The following ARSG variants were observed in gnomAD, a reference collection of about 807,000 sequenced individuals.
ARSG encodes the protein ASG.
A neutral mutation model predicts 50.5 loss-of-function variants in ARSG; 37 were observed. That is an observed-to-expected ratio of 0.73 (90% CI 0.56 to 0.96). The LOEUF is 0.96. ARSG is among the 50% of genes least tolerant of loss of function. The probability of loss-of-function intolerance (pLI) is 0.00; values close to 1 mark genes in which losing one functional copy is unlikely to be tolerated. For synonymous variants in ARSG, 225 were observed against 254.6 expected (o/e 0.88, Z 1.11); for missense variants, 629 against 675.3 (o/e 0.93, Z 0.76).
chr17:68,372,045 ATTGT>A (rs1157295574), intron 8 of ARSG, among the ~76,000 whole-genome samples: 2 of 152,250 alleles, frequency 1.3e-5, no homozygotes, highest in Non-Finnish European at 2.9e-5. Flanking sequence ...ATAAACTGGT[ATTGT>A]TTGTTTCATA....
At chr17:68,415,913 T>C (rs932846249) in intron 11 of ARSG, among the ~76,000 whole-genome samples, 1 of 152,220 alleles carries the variant, frequency 6.6e-6, no homozygotes, top group Non-Finnish European at 1.5e-5. Context: ...AGTCCTTATA[T>C]GTTAGATGAG....
At chr17:68,289,807 C>T (rs1336903013), upstream of ARSG, among the ~76,000 whole-genome samples, 3 of 152,286 alleles carry the variant, frequency 2.0e-5, no homozygotes, top group African/African-American at 7.2e-5. Context: ...TCGGAAACCA[C>T]AGAAGGAAAA....
chr17:68,350,865 A>T (rs1432178615), intron 4 of ARSG, among the ~76,000 whole-genome samples: 2 of 152,038 alleles, frequency 1.3e-5, no homozygotes, highest in Non-Finnish European at 2.9e-5. Context: ...GGAAGGAGGA[A>T]CTCAGAAGAA....
the ARSG span, chr17:68,450,850 G>T: frequency 6.2e-7 from 1 of 1,614,092 alleles, no homozygotes; most frequent in Non-Finnish European, 8.5e-7. Flanking sequence ...ACCACCACCA[G>T]GCTGCTGGAG....
intron 1 of ARSG, among the ~76,000 whole-genome samples, chr17:68,272,282 T>C (rs2075367631): frequency 6.6e-6 from 1 of 152,204 alleles, no homozygotes; most frequent in Non-Finnish European, 1.5e-5. Flanking sequence ...AAGAATGCTG[T>C]GTTTATTAGC....
At position 68,396,313 on chromosome 17, in the gene ARSG, G is replaced by A. The variant is rs575793610; in HGVS notation, c.1212+1120G>A. On this transcript the variant is annotated intron_variant, in intron 10 of 11. Transcript: ENST00000621439. ...ATTACAGGTGTGAGCCACTGTATCC[G>A]ACCTGCAGCCTGTTCTTGACCAAGC... Among the ~76,000 whole-genome samples the A allele has an allele frequency of 6.2e-4, 95 of 152,196 alleles. 1 individual carries two copies. Among genetic ancestry groups the A allele is most frequent in the Non-Finnish European group, 5.0e-4 (34 of 68,024 alleles).
At chr17:68,270,620 A>T (rs2075308238) in intron 1 of ARSG, among the ~76,000 whole-genome samples, 4 of 151,438 alleles carry the variant, frequency 2.6e-5, no homozygotes, top group Admixed American at 2.6e-4. Context: ...TGAATCGACC[A>T]CTAATTTACC....
intron 11 of ARSG, among the ~76,000 whole-genome samples, chr17:68,412,359 T>G (rs988318063): frequency 5.3e-5 from 8 of 152,106 alleles, no homozygotes; most frequent in African/African-American, 1.7e-4. Flanking sequence ...GTAAAGTATT[T>G]TATTTCTCCT....
the ARSG span, chr17:68,450,700 T>C: frequency 6.3e-7 from 1 of 1,585,232 alleles, no homozygotes; most frequent in Non-Finnish European, 8.6e-7. Flanking sequence ...GCAGAAGCTT[T>C]GAAACCCTGA....
chr17:68,363,698 C>T (rs1290934820), intron 6 of ARSG, among the ~76,000 whole-genome samples: 1 of 152,012 alleles, frequency 6.6e-6, no homozygotes, highest in Non-Finnish European at 1.5e-5. Flanking sequence ...AACTCCTGAC[C>T]TTAGGTGATC....
intron 2 of ARSG, among the ~76,000 whole-genome samples, chr17:68,337,259 G>C (rs2078065000): frequency 6.6e-6 from 1 of 152,146 alleles, no homozygotes; most frequent in Admixed American, 6.5e-5. Context: ...GAGCGAAGGT[G>C]GTCCCCACAT....
At chr17:68,305,362 A>G (rs1300744148) in intron 1 of ARSG, among the ~76,000 whole-genome samples, 1 of 152,166 alleles carries the variant, frequency 6.6e-6, no homozygotes, top group Non-Finnish European at 1.5e-5. Flanking sequence ...CACTAGCCTC[A>G]TGATGTTTTT....
intron 1 of ARSG, among the ~76,000 whole-genome samples, chr17:68,276,119 A>C (rs1329458510): frequency 1.3e-5 from 2 of 151,928 alleles, no homozygotes; most frequent in African/African-American, 2.4e-5. Context: ...TTTGAGACAG[A>C]GTCTTGCTCT....
rs2147203239 is a variant in ARSG, at chr17:68,399,269, C to T, written c.1213-2091C>T. 6.6e-6 allele frequency among the ~76,000 whole-genome samples: 1 copy of T among 152,286 alleles called. No homozygotes were observed. The highest frequency in any genetic ancestry group is 2.1e-4 in the South Asian group (1 of 4,820). On this transcript the variant is annotated intron_variant, in intron 10 of 11. Coordinates refer to ENST00000621439, the MANE Select transcript of ARSG (RefSeq NM_001267727.2). The surrounding 1 kb of genome is among the most constrained non-coding windows in gnomAD (Gnocchi z 4.6). ...TCATCTGGCGTGGCTGGCAAACTGA[C>T]CACCCCCATCCACCCCCTTTGGAGG...
At chr17:68,349,298 A>C (rs2078647949) in intron 4 of ARSG, among the ~76,000 whole-genome samples, 1 of 151,992 alleles carries the variant, frequency 6.6e-6, no homozygotes, top group Non-Finnish European at 1.5e-5. Flanking sequence ...CATCTCAAGA[A>C]AAAAAAAGAA....
rs185946750 is a variant in ARSG, at chr17:68,329,928, C to T, written c.219-13676C>T. Among the ~76,000 whole-genome samples the T allele has an allele frequency of 5.3e-3, 807 of 152,268 alleles. 11 individuals carry two copies. The highest frequency in any genetic ancestry group is 0.018 in the African/African-American group (730 of 41,554). On this transcript the variant is annotated intron_variant, in intron 2 of 11. Transcript: ENST00000621439. Reference sequence around the variant, plus strand: ...GCTAGGTGATAATCATTTTCAAAGACGCTGGGTGTGGTGGCTCACTCCTGA... The same window carrying T: ...GCTAGGTGATAATCATTTTCAAAGATGCTGGGTGTGGTGGCTCACTCCTGA...
intron 6 of ARSG, among the ~76,000 whole-genome samples, chr17:68,365,929 T>G (rs2079523125): frequency 6.6e-6 from 1 of 152,132 alleles, no homozygotes; most frequent in African/African-American, 2.4e-5. Context: ...AAAAATATTA[T>G]TGATTTATTT....
chr17:68,425,216 C>A (rs893825857), downstream of ARSG, among the ~76,000 whole-genome samples: 3 of 152,124 alleles, frequency 2.0e-5, no homozygotes, highest in African/African-American at 7.2e-5. Context: ...CTTTTCTTTT[C>A]TTTTTGAGAT....
At chr17:68,433,760 GTTTTTTTTTTTTTTTTTTTTTTTTTT>G in the ARSG span, among the ~76,000 whole-genome samples, 3 of 72,814 alleles carry the variant, frequency 4.1e-5, no homozygotes, top group Non-Finnish European at 7.0e-5. Context: ...AAGGGTCATA[GTTTTTTTTTTTTTTTTTTTTTTTTTT>G]TTTTTTTTTT....
Sources: allele counts gnomAD v4.1 joint callset (sites outside exome capture counted in the v4.1 genomes callset), GRCh38; gene constraint gnomAD v4.1.1; non-coding constraint Gnocchi (gnomAD v3.1); transcripts MANE v1.5; gene names NCBI Gene and HGNC (gene_info 2026-07-23, HGNC 2026-07-21).